Variants in ELAVL2 observed in about 807,000 individuals in gnomAD.
ELAVL2 encodes the protein ELAV like RNA binding protein 2.
ELAVL2 carries 4 observed loss-of-function variants against 34.6 expected under a neutral mutation model. The observed-to-expected ratio is 0.12, with a 90% CI of 0.06 to 0.26. ELAVL2 has a LOEUF of 0.26. Among genes scored for constraint, ELAVL2 ranks in the 10% least tolerant of loss-of-function variants. ELAVL2 has a pLI of 1.00. For synonymous variants in ELAVL2, 193 were observed against 154.8 expected (o/e 1.25, Z -1.83); for missense variants, 432 against 442.8 (o/e 0.98, Z 0.22).
the ELAVL2 span, among the ~76,000 whole-genome samples, chr9:23,843,249 ATACT>A: frequency 6.6e-6 from 1 of 152,150 alleles, no homozygotes. Context: ...CTATAAAATA[ATACT>A]TATAACAATG....
intron 1 of ELAVL2, among the ~76,000 whole-genome samples, chr9:23,782,007 G>C (rs73470854): frequency 8.8e-4 from 134 of 152,158 alleles, no homozygotes; most frequent in African/African-American, 3.1e-3. Context: ...CTTTTGTGGA[G>C]ACGAGGTTTT....
intron 2 of ELAVL2, among the ~76,000 whole-genome samples, chr9:23,755,383 T>C (rs1439588684): frequency 4.6e-5 from 7 of 152,168 alleles, no homozygotes; most frequent in Non-Finnish European, 1.0e-4. Context: ...AAAGTGAACC[T>C]AGAAGAATAA....
chr9:23,730,574 A>G lies in ELAVL2; in HGVS notation c.333+448T>C, dbSNP rs539726244. 1.1e-4 allele frequency among the ~76,000 whole-genome samples: 16 copies of G among 152,270 alleles called. No individual in the cohort carries two copies. The South Asian group carries it at 2.1e-3, about 20-fold the overall frequency. On this transcript the variant is annotated intron_variant, in intron 3 of 6. Coordinates refer to ENST00000397312, the MANE Select transcript of ELAVL2 (RefSeq NM_004432.5). ...TTGCCCATAAATAAAGTTTTATTGG[A>G]TAACGGCTGCATCCATTTGTTTATG...
At chr9:23,763,780 T>C (rs1448845499) in intron 1 of ELAVL2, among the ~76,000 whole-genome samples, 2 of 152,050 alleles carry the variant, frequency 1.3e-5, no homozygotes, top group African/African-American at 4.8e-5. Flanking sequence ...TAAAAAAACA[T>C]GAGGCAAAAT....
At chr9:23,837,120 A>G in the ELAVL2 span, among the ~76,000 whole-genome samples, 1 of 152,168 alleles carries the variant, frequency 6.6e-6, no homozygotes, top group Non-Finnish European at 1.5e-5. Context: ...AAATATTTCC[A>G]TCAGCACTGG....
chr9:23,838,423 C>T, the ELAVL2 span, among the ~76,000 whole-genome samples: 1 of 151,892 alleles, frequency 6.6e-6, no homozygotes, highest in East Asian at 1.9e-4. Flanking sequence ...AGAGAGAGGT[C>T]AGAATAATAC....
At chr9:23,841,431 T>C in the ELAVL2 span, among the ~76,000 whole-genome samples, 2 of 151,830 alleles carry the variant, frequency 1.3e-5, no homozygotes, top group Admixed American at 6.6e-5. Context: ...AGTTTTTACT[T>C]TAGAGTTTCT....
chr9:23,727,943 AC>A lies in ELAVL2; in HGVS notation c.333+3078del, dbSNP rs1429201071. On this transcript the variant is annotated intron_variant, in intron 3 of 6. Coordinates refer to ENST00000397312, the MANE Select transcript of ELAVL2 (RefSeq NM_004432.5). ...TAACCAGGAATTTTACCAAACGCAT[AC>A]TAAATTCTAAGTGGCTTGGAGTACA... 3.9e-5 allele frequency among the ~76,000 whole-genome samples: 6 copies of A among 152,222 alleles called. No individual in the cohort carries two copies. In the East Asian group the frequency reaches 1.2e-3, roughly 29 times the overall value.
intron 3 of ELAVL2, among the ~76,000 whole-genome samples, chr9:23,720,063 G>T (rs2043271106): frequency 6.6e-6 from 1 of 152,020 alleles, no homozygotes; most frequent in South Asian, 2.1e-4. Flanking sequence ...CGGACCTCAG[G>T]TGATCCACCC....
intron 1 of ELAVL2, among the ~76,000 whole-genome samples, chr9:23,823,269 A>T (rs952318314): frequency 6.6e-6 from 1 of 152,164 alleles, no homozygotes; most frequent in African/African-American, 2.4e-5. Flanking sequence ...GGCACGCGGG[A>T]TTGCTAAAAA....
the ELAVL2 span, among the ~76,000 whole-genome samples, chr9:23,842,904 A>T: frequency 6.6e-6 from 1 of 152,130 alleles, no homozygotes; most frequent in Non-Finnish European, 1.5e-5. Flanking sequence ...ATGTTTAAAT[A>T]ACTGAACTGG....
chr9:23,745,486 T>C lies in ELAVL2; in HGVS notation c.230-14361A>G, dbSNP rs547405158. 3.0e-4 allele frequency among the ~76,000 whole-genome samples: 45 copies of C among 152,184 alleles called. 1 individual carries two copies. The highest frequency in any genetic ancestry group is 9.4e-4 in the African/African-American group (39 of 41,526). ...ATAGGTTGCAAAGAAGAACACAAAA[T>C]TGACTAGATTCTTTTTTGAACAATT... On this transcript the variant is annotated intron_variant, in intron 2 of 6. Coordinates refer to ENST00000397312, the MANE Select transcript of ELAVL2 (RefSeq NM_004432.5).
intron 3 of ELAVL2, among the ~76,000 whole-genome samples, chr9:23,727,663 C>T (rs1012497989): frequency 2.6e-5 from 4 of 152,142 alleles, no homozygotes; most frequent in African/African-American, 9.6e-5. Context: ...TACAGTGGAT[C>T]CCAGAAACTG....
At chr9:23,782,689 A>C (rs1466683976) in intron 1 of ELAVL2, among the ~76,000 whole-genome samples, 2 of 152,346 alleles carry the variant, frequency 1.3e-5, no homozygotes, top group East Asian at 3.9e-4. Context: ...CAATTAGCGT[A>C]CGTTCCATCC....
At chr9:23,732,882 G>A (rs1238547496) in intron 2 of ELAVL2, among the ~76,000 whole-genome samples, 2 of 151,844 alleles carry the variant, frequency 1.3e-5, no homozygotes, top group Non-Finnish European at 1.5e-5. Context: ...AAAGTGGATC[G>A]TCACCCTAGT....
intron 1 of ELAVL2, among the ~76,000 whole-genome samples, chr9:23,800,930 T>C (rs549814697): frequency 1.3e-5 from 2 of 152,158 alleles, no homozygotes; most frequent in African/African-American, 4.8e-5. Context: ...TCCTTCCTGC[T>C]TGTTGGAAAG....
At chr9:23,812,401 T>C (rs1235477804) in intron 1 of ELAVL2, among the ~76,000 whole-genome samples, 1 of 152,106 alleles carries the variant, frequency 6.6e-6, no homozygotes, top group South Asian at 2.1e-4. Flanking sequence ...CCCACATATA[T>C]CAAAGTCATT....
rs140622165 is a variant in ELAVL2, at chr9:23,796,786, TG to T, written c.-16+29019del. On this transcript the variant is annotated intron_variant, in intron 1 of 6. Coordinates refer to ENST00000397312, the MANE Select transcript of ELAVL2 (RefSeq NM_004432.5). ...TATCCCAAATATGTAAAAGATATCC[TG>T]AGAACAATTGCCCTTGCCCTTCGTC... 8.8e-3 allele frequency among the ~76,000 whole-genome samples: 1,347 copies of T among 152,324 alleles called. 27 individuals are homozygous for T. The highest frequency in any genetic ancestry group is 0.031 in the African/African-American group (1,289 of 41,576).
At chr9:23,796,613 T>C (rs2060959420) in intron 1 of ELAVL2, among the ~76,000 whole-genome samples, 1 of 152,240 alleles carries the variant, frequency 6.6e-6, no homozygotes, top group African/African-American at 2.4e-5. Flanking sequence ...ACTAGGGCAA[T>C]GGCTGTCTAT....
Sources: allele counts gnomAD v4.1 joint callset (sites outside exome capture counted in the v4.1 genomes callset), GRCh38; gene constraint gnomAD v4.1.1; transcripts MANE v1.5; gene names NCBI Gene and HGNC (gene_info 2026-07-23, HGNC 2026-07-21).